Variants in SYK observed in about 807,000 individuals in gnomAD.
The protein encoded by SYK is tyrosine-protein kinase SYK.
A neutral mutation model predicts 77.8 loss-of-function variants in SYK; 16 were observed. The observed-to-expected ratio is 0.21, with a 90% CI of 0.14 to 0.31. The LOEUF is 0.31. Among genes scored for constraint, SYK ranks in the 10% least tolerant of loss-of-function variants. The pLI is 1.00. For missense variants in SYK, 529 were observed against 814.4 expected (o/e 0.65, Z 4.26); for synonymous variants, 312 against 308.7 (o/e 1.01, Z -0.11).
At chr9:90,827,928 C>A (rs758876515) in intron 1 of SYK, among the ~76,000 whole-genome samples, 70 of 152,194 alleles carry the variant, frequency 4.6e-4, no homozygotes, top group Non-Finnish European at 8.4e-4. Context: ...ATCTTGCAGT[C>A]CTGAGTCACC....
intron 3 of SYK, among the ~76,000 whole-genome samples, chr9:90,861,255 G>A (rs1435488056): frequency 2.0e-5 from 3 of 152,142 alleles, no homozygotes; most frequent in South Asian, 2.1e-4. Flanking sequence ...ACTGCAGTGG[G>A]GGTGTTGTTC....
At chr9:90,857,533 G>T (rs573041602) in intron 3 of SYK, among the ~76,000 whole-genome samples, 1 of 152,356 alleles carries the variant, frequency 6.6e-6, no homozygotes, top group South Asian at 2.1e-4. Context: ...GATAGGGATT[G>T]TGTACTGATC....
intron 3 of SYK, among the ~76,000 whole-genome samples, chr9:90,847,835 T>C (rs2118668608): frequency 6.6e-6 from 1 of 152,368 alleles, no homozygotes; most frequent in South Asian, 2.1e-4. Flanking sequence ...GATGTAGCTT[T>C]TCTTCTCTCT....
intron 10 of SYK, 39 bp downstream of exon 10, chr9:90,877,819 C>T: frequency 6.2e-7 from 1 of 1,610,258 alleles, no homozygotes; most frequent in Non-Finnish European, 8.5e-7. Context: ...AAGCTATCCC[C>T]TAAGGGACAG....
At chr9:90,885,024 A>C (rs910823786) in intron 11 of SYK, among the ~76,000 whole-genome samples, 12 of 149,102 alleles carry the variant, frequency 8.0e-5, no homozygotes, top group Middle Eastern at 3.4e-3. Flanking sequence ...TTTCAGGAAA[A>C]AGACCTCCTC....
At chr9:90,857,360 A>G (rs1399627629) in intron 3 of SYK, among the ~76,000 whole-genome samples, 2 of 152,270 alleles carry the variant, frequency 1.3e-5, no homozygotes, top group African/African-American at 2.4e-5. Context: ...GCTGATGTCA[A>G]TATCACTTCA....
At chr9:90,817,570 C>G (rs1206686824) in intron 1 of SYK, among the ~76,000 whole-genome samples, 2 of 151,894 alleles carry the variant, frequency 1.3e-5, no homozygotes, top group African/African-American at 2.4e-5. Flanking sequence ...TTTTTTGGCC[C>G]CTTCCTCCCT....
chr9:90,809,743 T>A (rs1825002942), intron 1 of SYK, among the ~76,000 whole-genome samples: 2 of 152,106 alleles, frequency 1.3e-5, no homozygotes, highest in Non-Finnish European at 2.9e-5. Flanking sequence ...GGAAAGTGAG[T>A]GCCGAGCCCC....
At chr9:90,810,235 G>A (rs995658527) in intron 1 of SYK, among the ~76,000 whole-genome samples, 3 of 152,140 alleles carry the variant, frequency 2.0e-5, no homozygotes, top group African/African-American at 7.2e-5. Context: ...TCCCAGGGTG[G>A]CTCCTTCCAA....
chr9:90,894,591 G>T (rs982965702), intron 13 of SYK, among the ~76,000 whole-genome samples: 5 of 152,218 alleles, frequency 3.3e-5, no homozygotes, highest in African/African-American at 1.2e-4. Context: ...AATTGCCATT[G>T]ATATAGGTCA....
chr9:90,834,200 GTGCACACACA>G (rs1190538208), intron 1 of SYK, among the ~76,000 whole-genome samples: 3 of 152,036 alleles, frequency 2.0e-5, no homozygotes, highest in South Asian at 2.1e-4. Flanking sequence ...ACACACATGT[GTGCACACACA>G]TGCACACACA....
intron 1 of SYK, among the ~76,000 whole-genome samples, chr9:90,805,354 C>A (rs745978651): frequency 2.6e-5 from 4 of 152,142 alleles, no homozygotes; most frequent in Non-Finnish European, 4.4e-5. Flanking sequence ...TGGAAGGGAG[C>A]ATAAGTGTGA....
intron 1 of SYK, among the ~76,000 whole-genome samples, chr9:90,834,890 A>G (rs980810612): frequency 6.6e-6 from 1 of 152,260 alleles, no homozygotes; most frequent in Non-Finnish European, 1.5e-5. Flanking sequence ...AAATGGGCAC[A>G]TCAGATTTGT....
intron 1 of SYK, among the ~76,000 whole-genome samples, chr9:90,803,837 G>T (rs975756377): frequency 2.6e-5 from 4 of 152,086 alleles, no homozygotes; most frequent in Non-Finnish European, 5.9e-5. Context: ...GACCCTGCTG[G>T]TTACATGCCA....
chr9:90,878,707 T>G (rs1437054769), intron 10 of SYK, 57 bp from the exon 11 acceptor site: 1 of 1,476,496 alleles, frequency 6.8e-7, no homozygotes, highest in Non-Finnish European at 9.4e-7. Context: ...AGCATGGTTG[T>G]TTGTTGTGAA....
In SYK at chr9:90,847,364, G is replaced by A. The variant is rs138295880; in HGVS notation, c.578+1770G>A. On this transcript the variant is annotated intron_variant, in intron 3 of 13. Transcript: ENST00000375754. The stretch of plus-strand genomic sequence containing the variant: ...GGGCCTGGGCTTCTGTGTTTTCATC[G>A]AGCACCCTCTCCTTAGTTGTCTTCT... Among the ~76,000 whole-genome samples, 234 of 151,804 alleles carry A rather than the reference G, an allele frequency of 1.5e-3. 2 individuals are homozygous for A. Among genetic ancestry groups the A allele is most frequent in the Non-Finnish European group, 2.3e-3 (157 of 67,928 alleles).
chr9:90,853,988 G>A (rs1470951280), intron 3 of SYK, among the ~76,000 whole-genome samples: 1 of 152,136 alleles, frequency 6.6e-6, no homozygotes, highest in Non-Finnish European at 1.5e-5. Flanking sequence ...GGAGAGGGAG[G>A]GAAGTGAAGC....
chr9:90,867,141 C>A lies in SYK; in HGVS notation c.857C>A (p.Ala286Glu), dbSNP rs770053469. 6.2e-7 allele frequency: 1 copy of A among 1,614,064 alleles called. No individual in the cohort carries two copies. Among genetic ancestry groups the A allele is most frequent in the South Asian group, 1.1e-5 (1 of 91,082 alleles). Residue 286 changes from alanine to glutamate, a missense_variant, in exon 7 of 14, where the codon GCG (alanine) becomes GAG (glutamate). Coordinates refer to ENST00000375754, the MANE Select transcript of SYK (RefSeq NM_003177.7). Reference sequence around the variant, plus strand: ...CGTTGTGGTTTCTAGACTTGGTCAGCGGGTGGAATAATCTCAAGAATCAAA... The same window carrying A: ...CGTTGTGGTTTCTAGACTTGGTCAGAGGGTGGAATAATCTCAAGAATCAAA... The part of the protein sequence containing the change: ...LPGSHPATWS[A>E]GGIISRIKSY...
intron 7 of SYK, among the ~76,000 whole-genome samples, chr9:90,869,003 G>A (rs1827624916): frequency 6.6e-6 from 1 of 152,154 alleles, no homozygotes; most frequent in Non-Finnish European, 1.5e-5. Flanking sequence ...AAGTGTAAAA[G>A]TCAATGTCCT....
Sources: gnomAD v4.1 joint callset for allele counts (sites outside exome capture counted in the v4.1 genomes callset) on GRCh38, gnomAD v4.1.1 for gene constraint, MANE v1.5 for transcripts, NCBI Gene and HGNC (gene_info 2026-07-23, HGNC 2026-07-21) for gene names.